KCNIP4: variants seen among roughly 807,000 people sequenced by gnomAD.
The protein encoded by KCNIP4 is potassium voltage-gated channel interacting protein 4.
In KCNIP4, 12 loss-of-function variants were observed where a neutral mutation model predicts 34.0. The observed-to-expected ratio is 0.35, with a 90% CI of 0.23 to 0.57. The LOEUF (loss-of-function observed/expected upper bound fraction) is 0.57. Among genes scored for constraint, KCNIP4 ranks in the 20% least tolerant of loss-of-function variants. The pLI is 0.83. For synonymous variants in KCNIP4, 124 were observed against 102.2 expected (o/e 1.21, Z -1.29); for missense variants, 238 against 311.7 (o/e 0.76, Z 1.78).
intron 1 of KCNIP4, among the ~76,000 whole-genome samples, chr4:21,423,855 T>C (rs1725710427): frequency 6.6e-6 from 1 of 151,668 alleles, no homozygotes; most frequent in African/African-American, 2.4e-5. Context: ...TCGCCCAGGC[T>C]GGAGTGCAGT....
chr4:21,198,080 A>T (rs566712540), intron 1 of KCNIP4, among the ~76,000 whole-genome samples: 1 of 152,346 alleles, frequency 6.6e-6, no homozygotes, highest in African/African-American at 2.4e-5. Flanking sequence ...CGCTATACAT[A>T]TGAGTAATTT....
chr4:21,198,145 T>C (rs1176618887), intron 1 of KCNIP4, among the ~76,000 whole-genome samples: 1 of 152,216 alleles, frequency 6.6e-6, no homozygotes, highest in African/African-American at 2.4e-5. Context: ...TGCAGACACT[T>C]GTCATTCCAA....
chr4:21,909,676 C>A (rs1728191279), intron 1 of KCNIP4, among the ~76,000 whole-genome samples: 1 of 151,976 alleles, frequency 6.6e-6, no homozygotes, highest in Admixed American at 6.6e-5. Context: ...TTTCATGCTG[C>A]TGATAAAAAC....
At chr4:21,750,306 A>T (rs1442141199) in intron 1 of KCNIP4, among the ~76,000 whole-genome samples, 1 of 152,170 alleles carries the variant, frequency 6.6e-6, no homozygotes, top group African/African-American at 2.4e-5. Flanking sequence ...AGAAGCTGTA[A>T]AATGCTTCCT....
At chr4:21,212,913 T>C (rs540691426) in intron 1 of KCNIP4, among the ~76,000 whole-genome samples, 1 of 149,702 alleles carries the variant, frequency 6.7e-6, no homozygotes, top group South Asian at 2.1e-4. Context: ...GGCATAGATA[T>C]GCATATAGCA....
intron 1 of KCNIP4, among the ~76,000 whole-genome samples, chr4:20,949,693 T>G (rs1485158912): frequency 2.0e-5 from 3 of 151,922 alleles, no homozygotes; most frequent in Non-Finnish European, 4.4e-5. Context: ...AAATGATGAG[T>G]TCATGTCCTT....
chr4:21,247,764 C>CACA (rs1560212682), intron 1 of KCNIP4, among the ~76,000 whole-genome samples: 3 of 66,374 alleles, frequency 4.5e-5, no homozygotes, highest in Non-Finnish European at 8.7e-5. Flanking sequence ...ATATATACAC[C>CACA]CCACAGGTGT....
At chr4:21,197,535 G>T (rs1355055595) in intron 1 of KCNIP4, among the ~76,000 whole-genome samples, 1 of 151,972 alleles carries the variant, frequency 6.6e-6, no homozygotes, top group Admixed American at 6.6e-5. Flanking sequence ...ACCAGACCAA[G>T]ATTTCAGAGT....
intron 1 of KCNIP4, among the ~76,000 whole-genome samples, chr4:21,405,466 C>A (rs1231294191): frequency 6.6e-6 from 1 of 152,124 alleles, no homozygotes; most frequent in Non-Finnish European, 1.5e-5. Flanking sequence ...GTATTTCTTT[C>A]CTATTATTGG....
At chr4:21,253,202 C>G (rs1008245584) in intron 1 of KCNIP4, among the ~76,000 whole-genome samples, 4 of 152,176 alleles carry the variant, frequency 2.6e-5, no homozygotes, top group African/African-American at 9.7e-5. Context: ...CATATGAATG[C>G]ATATGCAGCC....
intron 1 of KCNIP4, among the ~76,000 whole-genome samples, chr4:21,338,455 T>C (rs1406058025): frequency 1.3e-5 from 2 of 148,916 alleles, no homozygotes; most frequent in Non-Finnish European, 3.0e-5. Context: ...TAGTAAATGA[T>C]GTCTAGCCAG....
chr4:21,582,736 T>C (rs1233355657), intron 1 of KCNIP4, among the ~76,000 whole-genome samples: 1 of 151,888 alleles, frequency 6.6e-6, no homozygotes, highest in Admixed American at 6.6e-5. Flanking sequence ...TGAATCCAAC[T>C]TATAAATAAA....
At chr4:21,456,549 C>A (rs13144005) in intron 1 of KCNIP4, among the ~76,000 whole-genome samples, 68,422 of 146,966 alleles carry the variant, frequency 0.47, 19,357 homozygotes, top group Non-Finnish European at 0.57. Flanking sequence ...CCATAAAGTC[C>A]AAGACGTAGT....
intron 1 of KCNIP4, among the ~76,000 whole-genome samples, chr4:21,863,576 T>C (rs1447401301): frequency 6.6e-6 from 1 of 151,838 alleles, no homozygotes; most frequent in Non-Finnish European, 1.5e-5. Flanking sequence ...ACAGAACAAA[T>C]AGGACAATGC....
intron 1 of KCNIP4, among the ~76,000 whole-genome samples, chr4:21,834,780 T>G (rs1287173626): frequency 6.1e-4 from 91 of 149,950 alleles, no homozygotes; most frequent in African/African-American, 2.1e-3. Flanking sequence ...AATACTTAAT[T>G]TATTGAGAGT....
chr4:21,174,773 T>A (rs1053381288), intron 1 of KCNIP4, among the ~76,000 whole-genome samples: 4 of 151,764 alleles, frequency 2.6e-5, no homozygotes, highest in Admixed American at 2.6e-4. Flanking sequence ...GGCCTGGTGG[T>A]GCATGCCTGT....
At chr4:20,893,059 A>G (rs531400115) in intron 1 of KCNIP4, among the ~76,000 whole-genome samples, 6 of 152,166 alleles carry the variant, frequency 3.9e-5, no homozygotes, top group Admixed American at 3.9e-4. Context: ...CATAGTCTGC[A>G]CCCCCTTTTC....
At chr4:20,860,644 TAAATTGGCCG>T (rs1722098750) in intron 2 of KCNIP4, among the ~76,000 whole-genome samples, 1 of 152,184 alleles carries the variant, frequency 6.6e-6, no homozygotes, top group Non-Finnish European at 1.5e-5. Flanking sequence ...TACATTTTAT[TAAATTGGCCG>T]AATAGTGAGT....
intron 1 of KCNIP4, among the ~76,000 whole-genome samples, chr4:20,970,441 G>A (rs925270633): frequency 6.6e-6 from 1 of 152,056 alleles, no homozygotes; most frequent in Non-Finnish European, 1.5e-5. Context: ...TTATGAATGC[G>A]TGTATATATA....
Sources: gnomAD v4.1 joint callset for allele counts (sites outside exome capture counted in the v4.1 genomes callset) on GRCh38, gnomAD v4.1.1 for gene constraint, MANE v1.5 for transcripts, NCBI Gene and HGNC (gene_info 2026-07-23, HGNC 2026-07-21) for gene names.